CES5A: variants seen among roughly 807,000 people sequenced by gnomAD.
CES5A encodes carboxylesterase 5A.
CES5A carries 67 observed loss-of-function variants against 62.9 expected under a neutral mutation model. The ratio of observed to expected loss-of-function variants is 1.07; its 90% CI spans 0.88 to 1.31. The LOEUF (loss-of-function observed/expected upper bound fraction) is 1.31, where lower values mean the gene tolerates loss of function less well. Among genes scored for constraint, CES5A ranks in the 50% most tolerant of loss-of-function variants. CES5A has a pLI of 0.00. For missense variants in CES5A, 748 were observed against 708.5 expected, an observed-to-expected ratio of 1.06 and a Z score of -0.63; for synonymous variants, 296 against 280.8, an observed-to-expected ratio of 1.05 and a Z score of -0.54.
chr16:55,861,270 A>AT (rs1341146266), intron 7 of CES5A, 142 bp downstream of exon 7: 5 of 618,078 alleles, frequency 8.1e-6, no homozygotes, highest in Non-Finnish European at 1.4e-5. Context: ...ATCCCTACTT[A>AT]TTTTTTTACA....
intron 1 of CES5A, among the ~76,000 whole-genome samples, chr16:55,954,438 C>T (rs376759241): frequency 5.3e-5 from 8 of 152,258 alleles, no homozygotes; most frequent in East Asian, 1.9e-4. Flanking sequence ...AGCTCAGGAG[C>T]GGGAGAGGAG....
rs771979119 is a variant in CES5A, at chr16:55,849,660, C to T, written c.1387G>A (p.Gly463Ser). The T allele has an allele frequency of 2.2e-5, 35 of 1,613,874 alleles. No individual in the cohort carries two copies. The highest frequency in any genetic ancestry group is 3.3e-5 in the Admixed American group (2 of 60,008). Residue 463 changes from glycine (G) to serine (S), a missense_variant, in exon 11 of 13, where the codon GGT (glycine) becomes AGT (serine). Gly to Ser is a moderately conservative substitution (Grantham distance 56). Transcript: ENST00000290567. The stretch of plus-strand genomic sequence containing the variant: ...ATGTCCCCCTTCAGGAAGGCACCAC[C>T]GAACACAAAGCGGACTTCATCAGCG... ...DHADEVRFVF[G>S]GAFLKGDIVM... is the part of the protein sequence containing the mutation.
chr16:55,938,787 T>C (rs1418751446), intron 2 of CES5A, among the ~76,000 whole-genome samples: 2 of 76,458 alleles, frequency 2.6e-5, no homozygotes, highest in South Asian at 4.4e-4. Context: ...TATATATATA[T>C]ATATATATAT....
chr16:55,917,450 C>T (rs1447734016), intron 1 of CES5A, among the ~76,000 whole-genome samples: 1 of 152,190 alleles, frequency 6.6e-6, no homozygotes, highest in East Asian at 1.9e-4. Context: ...GAAGGTGTAA[C>T]CAAGGGAAAC....
exon 1 of CES5A, chr16:55,925,398 C>T (rs1045652501): frequency 4.6e-5 from 7 of 151,956 alleles, no homozygotes; most frequent in South Asian, 2.1e-4. Context: ...GGAGAACCCT[C>T]GTACACTGTT....
At chr16:55,858,024 G>A (rs2033277516) in intron 8 of CES5A, among the ~76,000 whole-genome samples, 1 of 152,042 alleles carries the variant, frequency 6.6e-6, no homozygotes, top group Non-Finnish European at 1.5e-5. Flanking sequence ...GTGAAACACT[G>A]TCTCCACTAA....
chr16:55,874,116 G>A, intron 1 of CES5A, 79 bp from the exon 2 acceptor site: 1 of 1,266,738 alleles, frequency 7.9e-7, no homozygotes, highest in Non-Finnish European at 1.1e-6. Context: ...GAGCTCCCCA[G>A]TGGGGATGTG....
chr16:55,900,670 G>C (rs1252916446), intron 1 of CES5A, among the ~76,000 whole-genome samples: 1 of 152,124 alleles, frequency 6.6e-6, no homozygotes, highest in African/African-American at 2.4e-5. Context: ...TTGTCCAGAG[G>C]GAAAAAAGCA....
chr16:55,863,294 C>T (rs550003210), intron 6 of CES5A, 54 bp downstream of exon 6: 2 of 975,710 alleles, frequency 2.0e-6, no homozygotes, highest in African/African-American at 1.6e-5. Flanking sequence ...TGCCTGACCA[C>T]ATTCTCTGCT....
intron 10 of CES5A, 130 bp from the exon 11 acceptor site, chr16:55,849,903 C>T: frequency 1.1e-6 from 1 of 934,976 alleles, no homozygotes; most frequent in South Asian, 1.7e-5. Flanking sequence ...CTCACTTCCC[C>T]CTTCCTCATT....
At chr16:55,858,489 C>T (rs2033288251) in intron 8 of CES5A, among the ~76,000 whole-genome samples, 1 of 152,112 alleles carries the variant, frequency 6.6e-6, no homozygotes, top group African/African-American at 2.4e-5. Flanking sequence ...ACTGAAAGGC[C>T]TTACTTAAGC....
intron 1 of CES5A, among the ~76,000 whole-genome samples, chr16:55,954,364 G>A (rs1346744912): frequency 6.6e-6 from 1 of 152,146 alleles, no homozygotes; most frequent in Non-Finnish European, 1.5e-5. Context: ...AAAATTTGAG[G>A]AAAATGGAAA....
chr16:55,849,846 T>A, intron 10 of CES5A, 73 bp from the exon 11 acceptor site: 1 of 1,539,572 alleles, frequency 6.5e-7, no homozygotes, highest in Non-Finnish European at 8.8e-7. Context: ...TCCCCACCTA[T>A]CAAGTCTTGG....
Position 55,846,339 on chromosome 16 carries a change from G to T in CES5A, c.*112C>A. 1.3e-6 allele frequency: 1 copy of T among 779,722 alleles called. No individual in the cohort carries two copies. Among genetic ancestry groups the T allele is most frequent in the Non-Finnish European group, 2.1e-6 (1 of 474,484 alleles). 48.3% of individuals were successfully genotyped at this position (779,722 alleles called of 1,614,324 possible). On this transcript the variant is annotated 3_prime_UTR_variant, in exon 13 of 13. Coordinates refer to ENST00000290567, the MANE Select transcript of CES5A (RefSeq NM_001143685.2). Reference sequence around the variant, plus strand: ...AGTCCATAAAATATCAGCGAAAGCAGCTTGTTTTGCAAGGATCCCCATAGA... The same window carrying T: ...AGTCCATAAAATATCAGCGAAAGCATCTTGTTTTGCAAGGATCCCCATAGA...
intron 1 of CES5A, among the ~76,000 whole-genome samples, chr16:55,891,431 A>G (rs1399454666): frequency 1.3e-5 from 2 of 152,268 alleles, no homozygotes; most frequent in Non-Finnish European, 2.9e-5. Context: ...CAAGGTGGTT[A>G]GAACACAGCT....
intron 1 of CES5A, among the ~76,000 whole-genome samples, chr16:55,911,365 C>T (rs975215217): frequency 2.0e-5 from 3 of 152,164 alleles, no homozygotes; most frequent in African/African-American, 7.2e-5. Context: ...GCTGGAAACA[C>T]GCCCAGTTTA....
chr16:55,925,125 GATTA>G (rs2034245348), intron 1 of CES5A, among the ~76,000 whole-genome samples: 1 of 152,024 alleles, frequency 6.6e-6, no homozygotes, highest in South Asian at 2.1e-4. Flanking sequence ...ACCGACAACA[GATTA>G]ATAATCAGAA....
upstream of CES5A, among the ~76,000 whole-genome samples, chr16:55,926,227 A>T (rs2142464338): frequency 6.6e-6 from 1 of 152,306 alleles, no homozygotes; most frequent in African/African-American, 2.4e-5. Context: ...TAGCACAAGT[A>T]CCCCAAAACT....
intron 8 of CES5A, among the ~76,000 whole-genome samples, chr16:55,858,851 GCACCT>G: frequency 6.6e-6 from 1 of 152,162 alleles, no homozygotes; most frequent in Non-Finnish European, 1.5e-5. Context: ...GTCTTTCCCA[GCACCT>G]GGGCCTCAGC....
Sources: allele counts gnomAD v4.1 joint callset (sites outside exome capture counted in the v4.1 genomes callset), GRCh38; gene constraint gnomAD v4.1.1; transcripts MANE v1.5; gene names NCBI Gene and HGNC (gene_info 2026-07-23, HGNC 2026-07-21).